Variants in MCC observed in about 807,000 individuals in gnomAD.
The protein encoded by MCC is colorectal mutant cancer protein.
MCC carries 90 observed loss-of-function variants against 116.2 expected under a neutral mutation model. That is an observed-to-expected ratio of 0.77 (90% CI 0.65 to 0.92). The LOEUF (loss-of-function observed/expected upper bound fraction) is 0.92. Ranked by LOEUF, MCC falls within the 40% of genes least tolerant of loss-of-function variation. MCC has a pLI of 0.00. For missense variants in MCC, 1,516 were observed against 1,312.2 expected (o/e 1.16, Z -2.40); for synonymous variants, 578 against 510.5 (o/e 1.13, Z -1.78).
At chr5:113,253,816 A>G (rs1338553846) in intron 3 of MCC, among the ~76,000 whole-genome samples, 2 of 152,198 alleles carry the variant, frequency 1.3e-5, no homozygotes, top group East Asian at 1.9e-4. Context: ...CACAAAATAC[A>G]TATATAAAAC....
chr5:113,359,569 G>A (rs1463054774), intron 2 of MCC, among the ~76,000 whole-genome samples: 1 of 152,266 alleles, frequency 6.6e-6, no homozygotes, highest in Non-Finnish European at 1.5e-5. Context: ...CCCTTGGGCA[G>A]TTAATAATCT....
chr5:113,455,636 C>T (rs966151970), intron 1 of MCC, among the ~76,000 whole-genome samples: 2 of 152,122 alleles, frequency 1.3e-5, no homozygotes, highest in African/African-American at 4.8e-5. Context: ...TTTAGAAAGG[C>T]AATATGTTGT....
rs936606234 is a variant in MCC at position 113,487,544 on chromosome 5, T to A, written c.170+701A>T. On this transcript the variant is annotated intron_variant, in intron 1 of 18. Coordinates refer to ENST00000408903, the MANE Select transcript of MCC (RefSeq NM_001085377.2). Reference sequence around the variant, plus strand: ...GATCCGAAGCAAACACCCCAAAGTTTGTTTGTGAGTGGAGGCGCGGAGGCG... The same window carrying A: ...GATCCGAAGCAAACACCCCAAAGTTAGTTTGTGAGTGGAGGCGCGGAGGCG... 3.9e-5 allele frequency among the ~76,000 whole-genome samples: 6 copies of A among 152,328 alleles called. No individual in the cohort carries two copies. The East Asian group carries it at 1.2e-3, about 29-fold the overall frequency.
Position 113,434,941 on chromosome 5 carries a change from G to T in MCC, c.171-49729C>A. On this transcript the variant is annotated intron_variant, in intron 1 of 18. Coordinates refer to ENST00000408903, the MANE Select transcript of MCC (RefSeq NM_001085377.2). The surrounding 1 kb of genome is among the most constrained non-coding windows in gnomAD (Gnocchi z 4.2). The stretch of plus-strand genomic sequence containing the variant: ...ACATCCTGGATAGAGAGTCCTTTGG[G>T]CTGGCCAGGCCTGCTGTTCCTGCCT... The T allele has an allele frequency of 7.0e-7, 1 of 1,437,832 alleles. No homozygotes were observed. Among genetic ancestry groups the T allele is most frequent in the Non-Finnish European group, 9.4e-7 (1 of 1,069,288 alleles). 89.1% of individuals were successfully genotyped at this position (1,437,832 alleles called of 1,614,324 possible). A position where few individuals can be genotyped will look rare whatever the true frequency, so the allele number is the denominator to read the frequency against.
intron 5 of MCC, among the ~76,000 whole-genome samples, chr5:113,137,318 G>C (rs953431325): frequency 6.6e-6 from 1 of 152,120 alleles, no homozygotes; most frequent in Admixed American, 6.5e-5. Flanking sequence ...CAATATGTGG[G>C]TATTACAATT....
chr5:113,173,469 A>G (rs1043659335), intron 3 of MCC, among the ~76,000 whole-genome samples: 2 of 152,180 alleles, frequency 1.3e-5, no homozygotes, highest in Non-Finnish European at 2.9e-5. Context: ...ATTAAAAATA[A>G]TATTTTAGCT....
intron 5 of MCC, among the ~76,000 whole-genome samples, chr5:113,123,442 G>C (rs1433989851): frequency 1.3e-5 from 2 of 152,212 alleles, no homozygotes; most frequent in African/African-American, 4.8e-5. Context: ...GGAGAAAACA[G>C]AACACTGAAT....
At chr5:113,297,199 A>T in intron 3 of MCC, among the ~76,000 whole-genome samples, 1 of 152,220 alleles carries the variant, frequency 6.6e-6, no homozygotes, top group Non-Finnish European at 1.5e-5. Flanking sequence ...AAGAGGTTAA[A>T]AGGGCCTGAA....
Position 113,043,558 on chromosome 5 carries a change from C to T in MCC, c.2728G>A (p.Ala910Thr), listed in dbSNP as rs778537701. 10 of 1,614,158 alleles carry T rather than the reference C, an allele frequency of 6.2e-6. 1 individual carries two copies. The South Asian group carries it at 9.9e-5, about 16-fold the overall frequency. The change falls in exon 17 of 19, where the codon GCT becomes ACT. Residue 910 changes from alanine to threonine, a missense_variant. Coordinates refer to ENST00000408903, the MANE Select transcript of MCC (RefSeq NM_001085377.2). The stretch of plus-strand genomic sequence containing the variant: ...CGAATGGCGTTGGTGAACTCCGCAG[C>T]CAGCTCATTCTCGCTGCACGTTGTC... ...LRTTCSENEL[A>T]AEFTNAIRRE...
intron 2 of MCC, among the ~76,000 whole-genome samples, chr5:113,376,377 A>T (rs1023227900): frequency 6.6e-6 from 1 of 152,226 alleles, no homozygotes; most frequent in African/African-American, 2.4e-5. Flanking sequence ...CCCAACATGC[A>T]TAATTGAGTA....
At chr5:113,187,311 G>A (rs1761941083) in intron 3 of MCC, among the ~76,000 whole-genome samples, 1 of 152,124 alleles carries the variant, frequency 6.6e-6, no homozygotes, top group Admixed American at 6.5e-5. Flanking sequence ...GTTTTGCCAT[G>A]TTGGCCAGGC....
intron 1 of MCC, among the ~76,000 whole-genome samples, chr5:113,386,334 C>A (rs1769253781): frequency 6.6e-6 from 1 of 152,174 alleles, no homozygotes; most frequent in South Asian, 2.1e-4. Context: ...TCACCCTTCA[C>A]AAATTCTATC....
intron 3 of MCC, among the ~76,000 whole-genome samples, chr5:113,169,659 C>T (rs1760970320): frequency 6.6e-6 from 1 of 152,122 alleles, no homozygotes; most frequent in South Asian, 2.1e-4. Flanking sequence ...TGGGGAGACA[C>T]AAGGGTAGGT....
chr5:113,310,590 T>C (rs1767113918), intron 3 of MCC, among the ~76,000 whole-genome samples: 1 of 152,244 alleles, frequency 6.6e-6, no homozygotes, highest in African/African-American at 2.4e-5. Context: ...TAAGTTTTTG[T>C]TCTGTTTCTT....
intron 3 of MCC, among the ~76,000 whole-genome samples, chr5:113,153,452 T>A (rs115515943): frequency 0.011 from 1,601 of 152,174 alleles, 28 homozygotes; most frequent in African/African-American, 0.037. Flanking sequence ...TGGGTCACTA[T>A]CATGGGGGAG....
intron 3 of MCC, among the ~76,000 whole-genome samples, chr5:113,153,347 G>A (rs1445709196): frequency 6.6e-6 from 1 of 152,170 alleles, no homozygotes; most frequent in East Asian, 1.9e-4. Context: ...CTGAGAGAAT[G>A]CTGCATGCTC....
chr5:113,220,806 C>G (rs76206262), intron 3 of MCC, among the ~76,000 whole-genome samples: 3,804 of 152,276 alleles, frequency 0.025, 190 homozygotes, highest in African/African-American at 0.087. Flanking sequence ...GATCTGGAAG[C>G]CTTTTATTGT....
At chr5:113,341,240 C>CT (rs1280052044) in intron 2 of MCC, among the ~76,000 whole-genome samples, 1 of 150,666 alleles carries the variant, frequency 6.6e-6, no homozygotes. Context: ...TTCTTTCTTT[C>CT]TTTTTTTGAG....
chr5:113,474,940 G>A (rs1251613046), intron 1 of MCC, among the ~76,000 whole-genome samples: 2 of 152,112 alleles, frequency 1.3e-5, no homozygotes, highest in Admixed American at 6.5e-5. Context: ...AACCTCTAAT[G>A]TAGAATATTT....
Sources: allele counts gnomAD v4.1 joint callset (sites outside exome capture counted in the v4.1 genomes callset), GRCh38; gene constraint gnomAD v4.1.1; non-coding constraint Gnocchi (gnomAD v3.1); transcripts MANE v1.5; gene names NCBI Gene and HGNC (gene_info 2026-07-23, HGNC 2026-07-21).